Variants in SLC4A4 observed in about 807,000 individuals in gnomAD.
SLC4A4 encodes solute carrier family 4 member 4, also known as electrogenic sodium bicarbonate cotransporter 1.
SLC4A4 carries 27 observed loss-of-function variants against 111.5 expected under a neutral mutation model. The ratio of observed to expected loss-of-function variants is 0.24; its 90% CI spans 0.18 to 0.33. The LOEUF (loss-of-function observed/expected upper bound fraction) is 0.33. Among genes scored for constraint, SLC4A4 ranks in the 10% least tolerant of loss-of-function variants. The pLI is 1.00. For missense variants in SLC4A4, 909 were observed against 1,315.5 expected, an observed-to-expected ratio of 0.69 and a Z score of 4.78; for synonymous variants, 443 against 463.4, an observed-to-expected ratio of 0.96 and a Z score of 0.57.
At chr4:71,436,249 T>A (rs1158926136) in intron 7 of SLC4A4, among the ~76,000 whole-genome samples, 3 of 152,148 alleles carry the variant, frequency 2.0e-5, no homozygotes, top group Non-Finnish European at 4.4e-5. Context: ...TGAGTTCATG[T>A]CCTTTGTAGG....
intron 1 of SLC4A4, among the ~76,000 whole-genome samples, chr4:71,228,000 G>T (rs1351623539): frequency 6.6e-6 from 1 of 152,128 alleles, no homozygotes; most frequent in Non-Finnish European, 1.5e-5. Context: ...CACGTGAAAT[G>T]GTCCATTAAA....
At chr4:71,486,439 ATTAT>A (rs1335061295) in intron 14 of SLC4A4, among the ~76,000 whole-genome samples, 1 of 151,496 alleles carries the variant, frequency 6.6e-6, no homozygotes, top group Non-Finnish European at 1.5e-5. Context: ...TTATATTTTT[ATTAT>A]TTAATACTGT....
intron 2 of SLC4A4, among the ~76,000 whole-genome samples, chr4:71,180,042 A>T (rs1745237029): frequency 6.6e-6 from 1 of 152,214 alleles, no homozygotes; most frequent in Non-Finnish European, 1.5e-5. Context: ...CTCAGAAATA[A>T]TGCTGCATAT....
chr4:71,452,487 G>A (rs184853251), intron 11 of SLC4A4, among the ~76,000 whole-genome samples: 11 of 152,288 alleles, frequency 7.2e-5, no homozygotes, highest in Admixed American at 6.5e-4. Context: ...CTGAAGCAGG[G>A]CACTGAGTGC....
intron 15 of SLC4A4, among the ~76,000 whole-genome samples, chr4:71,496,193 T>C (rs1730389824): frequency 6.6e-6 from 1 of 152,026 alleles, no homozygotes; most frequent in African/African-American, 2.4e-5. Context: ...CATCCAAGTT[T>C]CCTCCAAACT....
chr4:71,344,114 A>G (rs1345729326), intron 4 of SLC4A4, among the ~76,000 whole-genome samples: 2 of 152,062 alleles, frequency 1.3e-5, no homozygotes, highest in African/African-American at 4.8e-5. Flanking sequence ...TCTCTTCCCA[A>G]TAGAATTAAA....
chr4:71,298,376 A>G (rs529833009), intron 3 of SLC4A4, among the ~76,000 whole-genome samples: 31 of 152,324 alleles, frequency 2.0e-4, no homozygotes, highest in African/African-American at 7.2e-4. Context: ...CACAGAACAG[A>G]GATAAATAAA....
intron 5 of SLC4A4, among the ~76,000 whole-genome samples, chr4:71,351,166 A>G (rs1189007736): frequency 6.6e-6 from 1 of 152,192 alleles, no homozygotes; most frequent in Non-Finnish European, 1.5e-5. Context: ...AGGTTCAGTG[A>G]CTTTGATGGT....
At chr4:71,306,275 T>G (rs1725677404) in intron 3 of SLC4A4, among the ~76,000 whole-genome samples, 2 of 151,374 alleles carry the variant, frequency 1.3e-5, no homozygotes, top group Non-Finnish European at 2.9e-5. Context: ...GTGCCTCTGT[T>G]TTCTTGTCTA....
rs541075463 is a variant in SLC4A4, at chr4:71,293,292, G to A, written c.253+37893G>A. On this transcript the variant is annotated intron_variant, in intron 3 of 25. Coordinates refer to ENST00000264485, the MANE Select transcript of SLC4A4 (RefSeq NM_001098484.3). ...TAAAATCCAGAAGGAGGCTGGGTGC[G>A]GTGGCTCACGCCTGTAATCCCAGCA... 7.9e-5 allele frequency among the ~76,000 whole-genome samples: 12 copies of A among 151,094 alleles called. No individual in the cohort carries two copies. In the South Asian group the frequency reaches 1.9e-3, roughly 24 times the overall value.
At chr4:71,236,849 A>G (rs1719849066) in intron 2 of SLC4A4, among the ~76,000 whole-genome samples, 200 bp downstream of exon 2, 1 of 152,196 alleles carries the variant, frequency 6.6e-6, no homozygotes, top group Admixed American at 6.5e-5. Context: ...CTGATTCAAT[A>G]TGGGTCTTGC....
At chr4:71,084,231 G>A (rs560736556) in intron 1 of SLC4A4, among the ~76,000 whole-genome samples, 1 of 152,044 alleles carries the variant, frequency 6.6e-6, no homozygotes, top group South Asian at 2.1e-4. Flanking sequence ...ATAATCGGAT[G>A]TAAAGATCGC....
chr4:71,259,735 C>T (rs1363918502), intron 3 of SLC4A4, among the ~76,000 whole-genome samples: 1 of 152,058 alleles, frequency 6.6e-6, no homozygotes, highest in African/African-American at 2.4e-5. Flanking sequence ...GGAAACACAG[C>T]ATACCTTCCC....
intron 6 of SLC4A4, among the ~76,000 whole-genome samples, chr4:71,396,097 A>G: frequency 6.6e-6 from 1 of 152,216 alleles, no homozygotes; most frequent in African/African-American, 2.4e-5. Context: ...TAGAAATCTA[A>G]TACCTGGCTC....
At chr4:71,107,429 C>T (rs1360165091) in intron 2 of SLC4A4, among the ~76,000 whole-genome samples, 1 of 152,066 alleles carries the variant, frequency 6.6e-6, no homozygotes, top group Non-Finnish European at 1.5e-5. Flanking sequence ...TCATTGCAAC[C>T]TCTGCCTCCC....
intron 6 of SLC4A4, among the ~76,000 whole-genome samples, chr4:71,358,894 T>C (rs969243907): frequency 6.6e-6 from 1 of 152,230 alleles, no homozygotes; most frequent in African/African-American, 2.4e-5. Context: ...CACTTTCTTA[T>C]GTAAGATGAA....
chr4:71,407,533 T>C (rs11941759), intron 7 of SLC4A4, among the ~76,000 whole-genome samples: 18,989 of 152,212 alleles, frequency 0.12, 1,500 homozygotes, highest in African/African-American at 0.22. Flanking sequence ...CCAGGGACTT[T>C]AGAAGCATCT....
intron 13 of SLC4A4, among the ~76,000 whole-genome samples, chr4:71,466,931 AAGAGAGAGAG>A (rs61128918): frequency 7.4e-5 from 7 of 94,732 alleles, no homozygotes; most frequent in Non-Finnish European, 1.0e-4. Context: ...ACAAGACGGG[AAGAGAGAGAG>A]AGAGAGAGAG....
Position 71,265,572 on chromosome 4 carries a change from G to A in SLC4A4, c.253+10173G>A, listed in dbSNP as rs948537405. Among the ~76,000 whole-genome samples the A allele has an allele frequency of 4.6e-5, 7 of 152,214 alleles. No homozygotes were observed. In the East Asian group the frequency reaches 9.6e-4, roughly 21 times the overall value. On this transcript the variant is annotated intron_variant, in intron 3 of 25. Coordinates refer to ENST00000264485, the MANE Select transcript of SLC4A4 (RefSeq NM_001098484.3). The stretch of plus-strand genomic sequence containing the variant: ...AGAAAAATCACTGGGTGAATGGCAA[G>A]GGCTAACATCTTACCTCCTCAAAAT...
Sources: gnomAD v4.1 joint callset for allele counts (sites outside exome capture counted in the v4.1 genomes callset) on GRCh38, gnomAD v4.1.1 for gene constraint, MANE v1.5 for transcripts, NCBI Gene and HGNC (gene_info 2026-07-23, HGNC 2026-07-21) for gene names.